The following MYO19 variants were observed in gnomAD, a reference collection of about 807,000 sequenced individuals.
The protein encoded by MYO19 is unconventional myosin-XIX.
A neutral mutation model predicts 129.2 loss-of-function variants in MYO19; 132 were observed. The ratio of observed to expected loss-of-function variants is 1.02; its 90% CI spans 0.89 to 1.18. MYO19 has a LOEUF of 1.18. Among genes scored for constraint, MYO19 ranks in the 50% most tolerant of loss-of-function variants. The pLI, the probability that MYO19 is intolerant of heterozygous loss-of-function variation, is 0.00. For missense variants in MYO19, 1,210 were observed against 1,216.7 expected, an observed-to-expected ratio of 0.99 and a Z score of 0.08; for synonymous variants, 531 against 477.2, an observed-to-expected ratio of 1.11 and a Z score of -1.47.
At chr17:36,517,626 C>CT (rs1360137390) in intron 6 of MYO19, among the ~76,000 whole-genome samples, 2 of 152,154 alleles carry the variant, frequency 1.3e-5, no homozygotes, top group Non-Finnish European at 2.9e-5. Flanking sequence ...TTTTATTCAT[C>CT]TTTACTTTTT....
chr17:36,534,522 G>A (rs574955092), intron 1 of MYO19, among the ~76,000 whole-genome samples: 1 of 152,220 alleles, frequency 6.6e-6, no homozygotes, highest in African/African-American at 2.4e-5. Context: ...CCCCCTGCCG[G>A]CCAGGTGGAA....
intron 17 of MYO19, 56 bp downstream of exon 17, chr17:36,506,907 C>T: frequency 6.8e-7 from 1 of 1,473,940 alleles, no homozygotes; most frequent in African/African-American, 1.4e-5. Flanking sequence ...GTCTGCATAG[C>T]AAAGACCCAG....
chr17:36,543,580 T>C (rs573695192), upstream of MYO19: 14 of 152,360 alleles, frequency 9.2e-5, no homozygotes, highest in African/African-American at 3.1e-4. Flanking sequence ...GGGTGCACTA[T>C]GGGTTATTTG....
upstream of MYO19, chr17:36,538,204 T>A: frequency 6.2e-7 from 1 of 1,613,396 alleles, no homozygotes; most frequent in Non-Finnish European, 8.5e-7. Context: ...TCTCGAAGAA[T>A]GGCAAATTTA....
intron 19 of MYO19, chr17:36,504,329 A>G (rs1019505308): frequency 8.9e-6 from 3 of 338,734 alleles, no homozygotes; most frequent in African/African-American, 6.3e-5. Flanking sequence ...CTACCACACA[A>G]CCCAGCCCAG....
At chr17:36,538,526 G>T (rs1454660839), upstream of MYO19, 1 of 1,613,750 alleles carries the variant, frequency 6.2e-7, no homozygotes, top group South Asian at 1.1e-5. Flanking sequence ...GTACCTTGTG[G>T]GCCTTATTTG....
chr17:36,518,856 G>A (rs893309871), intron 6 of MYO19, among the ~76,000 whole-genome samples: 1 of 151,884 alleles, frequency 6.6e-6, no homozygotes, highest in African/African-American at 2.4e-5. Context: ...TTTACCCATA[G>A]GATATTTAGA....
Position 36,527,631 on chromosome 17 carries a change from C to T in MYO19, c.220G>A (p.Ala74Thr). The change falls in exon 5 of 26, where the codon GCC becomes ACC. Residue 74 changes from alanine (A) to threonine (T), a missense_variant. Physicochemically the swap from Ala to Thr is moderately conservative, Grantham distance 58. Transcript: ENST00000614623. ...GGAACAGGCTTGAAGGGGTTCAAGG[C>T]TACCAGGGTGCAGCCAGCATTGGTG... The part of the protein sequence containing the change: ...FYTNAGCTLV[A>T]LNPFKPVPQL... 1.2e-6 allele frequency: 2 copies of T among 1,613,976 alleles called. No individual in the cohort carries two copies. The highest frequency in any genetic ancestry group is 1.7e-6 in the Non-Finnish European group (2 of 1,179,876).
intron 12 of MYO19, 40 bp from the exon 13 acceptor site, chr17:36,510,957 T>G (rs1006660889): frequency 2.0e-6 from 3 of 1,534,364 alleles, no homozygotes; most frequent in Non-Finnish European, 2.6e-6. Flanking sequence ...TCACTCTCCA[T>G]CCAGTCCTCT....
At chr17:36,525,587 C>A (rs920757811) in intron 5 of MYO19, among the ~76,000 whole-genome samples, 1 of 151,640 alleles carries the variant, frequency 6.6e-6, no homozygotes, top group African/African-American at 2.4e-5. Context: ...ACACTTTATA[C>A]CCCCATCTTA....
chr17:36,539,512 G>A (rs1422998154), upstream of MYO19, among the ~76,000 whole-genome samples: 4 of 151,972 alleles, frequency 2.6e-5, no homozygotes, highest in African/African-American at 9.7e-5. Flanking sequence ...GGTGACTCAC[G>A]CCTGTAATCC....
rs1380365520 is a variant in MYO19, at chr17:36,496,079, C to T, written c.*172G>A. 6 of 947,268 alleles carry T rather than the reference C, an allele frequency of 6.3e-6. No homozygotes were observed. The Admixed American group carries it at 1.6e-4, about 26-fold the overall frequency. The allele number at this position is 947,268 out of a possible 1,614,324, so 58.7% of individuals were successfully genotyped here. On this transcript the variant is annotated 3_prime_UTR_variant, in exon 26 of 26. Transcript: ENST00000614623. ...CAGTGCTTGATGTAGCCTGGAACCC[C>T]AGGCCCACTGACGCACTGGGCACGG...
upstream of MYO19, chr17:36,537,913 T>C (rs1223521501): frequency 1.9e-6 from 3 of 1,614,092 alleles, no homozygotes; most frequent in South Asian, 3.3e-5. Flanking sequence ...ATTACTGTAT[T>C]ATACCAGCTA....
intron 9 of MYO19, 98 bp downstream of exon 9, chr17:36,514,348 G>C (rs2072587136): frequency 1.3e-6 from 1 of 783,158 alleles, no homozygotes; most frequent in Non-Finnish European, 2.2e-6. Flanking sequence ...GCTAGGTGAA[G>C]GAACCAGGTA....
chr17:36,520,639 TGAA>T (rs1229856567), intron 6 of MYO19, among the ~76,000 whole-genome samples: 3 of 152,208 alleles, frequency 2.0e-5, no homozygotes, highest in Non-Finnish European at 4.4e-5. Context: ...CTACTCAAAG[TGAA>T]GATGACAGTG....
At chr17:36,500,189 C>T (rs2071410237) in intron 23 of MYO19, 1 of 152,224 alleles carries the variant, frequency 6.6e-6, no homozygotes, top group Admixed American at 6.5e-5. Context: ...CCTACACACA[C>T]ACAAACACAC....
chr17:36,537,084 G>T (rs753061168), upstream of MYO19: 2 of 1,567,304 alleles, frequency 1.3e-6, no homozygotes, highest in Admixed American at 1.9e-5. Context: ...CTTTGCTCTT[G>T]TTTTCACAGG....
chr17:36,501,217 T>TCG lies in MYO19; in HGVS notation c.2097_2098dup (p.Glu700AlafsTer20). ...GATGAGAGGTTCAAGCGTGGCTTCC[T>TCG]CGCTGTGTGGACACCATTCTGGGGG... On this transcript the variant is annotated frameshift_variant, in exon 22 of 26. Coordinates refer to ENST00000614623, the MANE Select transcript of MYO19 (RefSeq NM_001163735.2). LOFTEE classifies it high-confidence loss of function. 1 of 1,612,516 alleles carries TCG rather than the reference T, an allele frequency of 6.2e-7. No homozygotes were observed. The highest frequency in any genetic ancestry group is 8.5e-7 in the Non-Finnish European group (1 of 1,179,016).
In MYO19 at chr17:36,531,290, G is replaced by A. The variant is rs185070907; in HGVS notation, c.12+1237C>T. ...AGCACCAGTAGTCCCAACTACTCGG[G>A]AGGCTGAGGCAGGAGAATAGCATGA... On this transcript the variant is annotated intron_variant, in intron 3 of 25. Transcript: ENST00000614623. Among the ~76,000 whole-genome samples, 308 of 151,166 alleles carry A rather than the reference G, an allele frequency of 2.0e-3. 1 individual carries two copies. Among genetic ancestry groups the A allele is most frequent in the African/African-American group, 7.0e-3 (290 of 41,194 alleles).
Sources: gnomAD v4.1 joint callset for allele counts (sites outside exome capture counted in the v4.1 genomes callset) on GRCh38, gnomAD v4.1.1 for gene constraint, MANE v1.5 for transcripts, NCBI Gene and HGNC (gene_info 2026-07-23, HGNC 2026-07-21) for gene names.